PDE4DIP: variants seen among roughly 807,000 people sequenced by gnomAD.
The protein encoded by PDE4DIP is myomegalin.
Under a neutral mutation model 221.4 loss-of-function variants are expected in PDE4DIP, and 59 were observed. The ratio of observed to expected loss-of-function variants is 0.27; its 90% CI spans 0.22 to 0.33. PDE4DIP has a LOEUF of 0.33. Among genes scored for constraint, PDE4DIP ranks in the 10% least tolerant of loss-of-function variants. The pLI, the probability that PDE4DIP is intolerant of heterozygous loss-of-function variation, is 1.00. For synonymous variants in PDE4DIP, 404 were observed against 815.9 expected (o/e 0.50, Z 8.60); for missense variants, 1,036 against 2,154.2 (o/e 0.48, Z 10.28).
chr1:149,030,317 G>C lies in PDE4DIP; in HGVS notation c.6999+39G>C, dbSNP rs782326459. The C allele has an allele frequency of 1.7e-5, 27 of 1,551,240 alleles. No homozygotes were observed. The East Asian group carries it at 6.0e-4, about 35-fold the overall frequency. On this transcript the variant is annotated intron_variant, in intron 43 of 43. Transcript: ENST00000369354. ...TGCACCAGTCAGAGGCACCAAGCCT[G>C]TCCCCCACCCATCACCATCCGTTAG...
At chr1:148,936,795 G>A (rs71267599) in intron 4 of PDE4DIP, among the ~76,000 whole-genome samples, 1 of 151,702 alleles carries the variant, frequency 6.6e-6, no homozygotes. Context: ...ACAGTGTCAG[G>A]ATCATCAGCT....
chr1:149,012,890 T>C, intron 32 of PDE4DIP, 114 bp downstream of exon 35: 2 of 576,526 alleles, frequency 3.5e-6, no homozygotes, highest in East Asian at 2.9e-5. Flanking sequence ...ACGTTACAAA[T>C]GTAAGAGGGA....
chr1:148,998,236 A>C, exon 23 of PDE4DIP: 3 of 1,577,452 alleles, frequency 1.9e-6, no homozygotes, highest in Non-Finnish European at 2.6e-6. Context: ...GGACAGTAAC[A>C]GGTGTCTTCA....
intron 30 of PDE4DIP, among the ~76,000 whole-genome samples, chr1:149,010,232 G>A (rs1553603879): frequency 6.6e-6 from 1 of 152,030 alleles, no homozygotes; most frequent in Non-Finnish European, 1.5e-5. Context: ...TCATGTTTCA[G>A]AGCTCAGAGC....
At chr1:148,998,860 C>G (rs2064952913) in intron 23 of PDE4DIP, among the ~76,000 whole-genome samples, 4 of 150,774 alleles carry the variant, frequency 2.7e-5, no homozygotes, top group Admixed American at 2.0e-4. Context: ...CCTGCCTCAG[C>G]CTGCCGAGTA....
In PDE4DIP at chr1:148,918,622, TACACAC is replaced by T. The variant is rs57116412; in HGVS notation, c.142-10544_142-10539del. On this transcript the variant is annotated intron_variant, in intron 1 of 43. Transcript: ENST00000369354. ...GTCTTTGCCTCTGTCTCTCTCTCTCTACACACACACACACACACACACACACACACA... is the reference window on the plus strand; with the variant it reads ...GTCTTTGCCTCTGTCTCTCTCTCTCTACACACACACACACACACACACACA... Among the ~76,000 whole-genome samples, 47 of 92,256 alleles carry T rather than the reference TACACAC, an allele frequency of 5.1e-4. 4 individuals are homozygous for T. Among genetic ancestry groups the T allele is most frequent in the African/African-American group, 1.6e-3 (34 of 21,680 alleles). 60.5% of individuals were successfully genotyped at this position (92,256 alleles called of 152,430 possible).
chr1:148,984,969 C>T (rs1277272097), intron 21 of PDE4DIP: 1 of 152,066 alleles, frequency 6.6e-6, no homozygotes, highest in African/African-American at 2.4e-5. Context: ...TAGTATTCTG[C>T]AGGTTTACAG....
At chr1:148,830,168 A>G (rs1631369) in intron 1 of PDE4DIP, among the ~76,000 whole-genome samples, 2 of 8,684 alleles carry the variant, frequency 2.3e-4, no homozygotes, top group Admixed American at 1.1e-3. Context: ...ATTAAGTCCC[A>G]TGAGCATTAG....
chr1:148,940,940 T>A (rs1156978090), intron 5 of PDE4DIP, among the ~76,000 whole-genome samples: 1 of 151,068 alleles, frequency 6.6e-6, no homozygotes, highest in Non-Finnish European at 1.5e-5. Context: ...CAATGGAACA[T>A]TCAAATTCCA....
chr1:148,961,298 ACT>A (rs1284649416), intron 6 of PDE4DIP, among the ~76,000 whole-genome samples: 47 of 151,946 alleles, frequency 3.1e-4, no homozygotes, highest in African/African-American at 1.1e-3. Flanking sequence ...ACAGAGAGAG[ACT>A]CTGTCTCAAA....
At chr1:149,003,875 G>A (rs2066311230) in intron 26 of PDE4DIP, 145 bp downstream of exon 29, 1 of 483,054 alleles carries the variant, frequency 2.1e-6, no homozygotes, top group Non-Finnish European at 3.8e-6. Context: ...ATGAGGCTGA[G>A]TATAAGTTTG....
Position 149,001,944 on chromosome 1 carries a change from AG to A in PDE4DIP, c.3493del (p.Glu1165ArgfsTer4). ...TCCCCTGGGAAGCACCAACACCAAG[AG>A]GAGGGGAATGTGACTGTGAGGCCTT... On this transcript the variant is annotated frameshift_variant, in exon 24 of 44. Transcript: ENST00000369354. LOFTEE classifies it high-confidence loss of function. 6.7e-7 allele frequency: 1 copy of A among 1,489,438 alleles called. No individual in the cohort carries two copies. The highest frequency in any genetic ancestry group is 9.4e-7 in the Non-Finnish European group (1 of 1,067,682). 92.3% of individuals were successfully genotyped at this position (1,489,438 alleles called of 1,614,324 possible).
At position 149,032,476 on chromosome 1, in the gene PDE4DIP, G is replaced by A. The variant is rs587665972; in HGVS notation, c.*491G>A. On this transcript the variant is annotated 3_prime_UTR_variant, in exon 44 of 44. Coordinates refer to ENST00000369354, the Ensembl canonical transcript of PDE4DIP. ...CGGTGCCCTGCCGGACACTGCTGGC[G>A]GGGGCTCAGTGAGCACTACTCACAG... is the stretch of plus-strand genomic sequence containing the variant. 9.1e-3 allele frequency: 3,071 copies of A among 335,670 alleles called. 89 individuals are homozygous for A. Among genetic ancestry groups the A allele is most frequent in the East Asian group, 0.085 (1,798 of 21,174 alleles). The allele number at this position is 335,670 out of a possible 1,614,324, so 20.8% of individuals were successfully genotyped here.
In PDE4DIP at chr1:149,010,583, C is replaced by T; in HGVS notation, c.5068C>T (p.Gln1690Ter). ...CCAGAATACCCCCAAGGAGGCCAAC[C>T]AGGCCCATTCAGGTATGCAACAGCC... The change falls in exon 31 of 44, where the codon CAG (glutamine) becomes TAG (stop). Residue 1690 changes from glutamine to a stop codon, truncating the protein, a stop_gained. Coordinates refer to ENST00000369354, the Ensembl canonical transcript of PDE4DIP. LOFTEE classifies it high-confidence loss of function. 1 of 1,614,036 alleles carries T rather than the reference C, an allele frequency of 6.2e-7. No individual in the cohort carries two copies. Among genetic ancestry groups the T allele is most frequent in the Non-Finnish European group, 8.5e-7 (1 of 1,179,912 alleles).
intron 1 of PDE4DIP, among the ~76,000 whole-genome samples, chr1:148,919,551 C>A (rs587700529): frequency 6.6e-6 from 1 of 151,928 alleles, no homozygotes; most frequent in South Asian, 2.1e-4. Context: ...ATGCTCAGTG[C>A]TTCTCCCTGT....
chr1:148,949,267 T>C (rs1361759516), intron 5 of PDE4DIP, among the ~76,000 whole-genome samples: 6 of 150,794 alleles, frequency 4.0e-5, no homozygotes, highest in African/African-American at 1.5e-4. Flanking sequence ...AGAAAATAAA[T>C]GTCCATAATT....
In PDE4DIP at chr1:148,922,855, G is replaced by A. The variant is rs77515912; in HGVS notation, c.142-6342G>A. Among the ~76,000 whole-genome samples, 268 of 149,624 alleles carry A rather than the reference G, an allele frequency of 1.8e-3. 1 individual carries two copies. The highest frequency in any genetic ancestry group is 5.7e-3 in the African/African-American group (232 of 40,518). ...CCCGCCTCGGCCTCCCAAAGTGCTG[G>A]GATTACAGGCATGAGCCACCGTGCC... is the stretch of plus-strand genomic sequence containing the variant. On this transcript the variant is annotated intron_variant, in intron 1 of 43. Coordinates refer to ENST00000369354, the Ensembl canonical transcript of PDE4DIP.
chr1:149,017,910 G>T (rs782230431), intron 34 of PDE4DIP, 31 bp downstream of exon 37: 11 of 1,547,838 alleles, frequency 7.1e-6, no homozygotes, highest in East Asian at 2.3e-5. Context: ...CCTGTTTCTG[G>T]CTCTATTTAG....
chr1:148,976,927 T>A (rs2152111591), intron 17 of PDE4DIP, among the ~76,000 whole-genome samples: 1 of 148,868 alleles, frequency 6.7e-6, no homozygotes, highest in South Asian at 2.2e-4. Flanking sequence ...AGCAGTAAAA[T>A]GGCAGATATT....
Sources: gnomAD v4.1 joint callset for allele counts (sites outside exome capture counted in the v4.1 genomes callset) on GRCh38, gnomAD v4.1.1 for gene constraint, MANE v1.5 for transcripts, NCBI Gene and HGNC (gene_info 2026-07-23, HGNC 2026-07-21) for gene names.